Variants in MCMBP observed in about 807,000 individuals in gnomAD.
MCMBP encodes the protein minichromosome maintenance complex binding protein.
In MCMBP, 31 loss-of-function variants were observed where a neutral mutation model predicts 81.3. The ratio of observed to expected loss-of-function variants is 0.38; its 90% CI spans 0.29 to 0.51. The LOEUF is 0.51. Ranked by LOEUF, MCMBP falls within the 20% of genes least tolerant of loss-of-function variation. The pLI, the probability that MCMBP is intolerant of heterozygous loss-of-function variation, is 0.87. For synonymous variants in MCMBP, 267 were observed against 275.9 expected (o/e 0.97, Z 0.32); for missense variants, 645 against 772.1 (o/e 0.84, Z 1.95).
chr10:119,848,181 ACCTTTCAAAAT>A lies in MCMBP; in HGVS notation c.727-479_727-469del, dbSNP rs1222521433. Among the ~76,000 whole-genome samples, 33 of 150,516 alleles carry A rather than the reference ACCTTTCAAAAT, an allele frequency of 2.2e-4. No individual in the cohort carries two copies. The East Asian group carries it at 6.5e-3, about 30-fold the overall frequency. ...TTTCACAATTTAAAAAAAAAAAAAA[ACCTTTCAAAAT>A]TGTCTGTCATGATGGACTTAGTAAT... On this transcript the variant is annotated intron_variant, in intron 7 of 15. Transcript: ENST00000369077.
At chr10:119,852,835 C>T (rs949971068) in intron 6 of MCMBP, among the ~76,000 whole-genome samples, 5 of 152,244 alleles carry the variant, frequency 3.3e-5, no homozygotes, top group Admixed American at 6.5e-5. Context: ...ACTCCAAACA[C>T]ATACATCAGA....
chr10:119,830,110 TG>T lies in MCMBP; in HGVS notation c.*1363del, dbSNP rs1170735917. 6.6e-6 allele frequency: 1 copy of T among 152,664 alleles called. No homozygotes were observed. The allele number at this position is 152,664 out of a possible 1,614,324, so 9.5% of individuals were successfully genotyped here. A position where few individuals can be genotyped will look rare whatever the true frequency, so the allele number is the denominator to read the frequency against. ...AAATAGATTTGAGTTTAGGAAAAGT[TG>T]AACAACTAGTTATTTTTACTTCAGT... On this transcript the variant is annotated 3_prime_UTR_variant, in exon 16 of 16. Coordinates refer to ENST00000369077, the MANE Select transcript of MCMBP (RefSeq NM_001256378.2).
chr10:119,870,123 C>T (rs1402499018), intron 1 of MCMBP, among the ~76,000 whole-genome samples: 1 of 152,150 alleles, frequency 6.6e-6, no homozygotes, highest in Admixed American at 6.5e-5. Flanking sequence ...TAAGTTTATA[C>T]AATACTATAT....
chr10:119,859,699 T>G (rs938201133), intron 2 of MCMBP, 100 bp downstream of exon 2: 1 of 719,148 alleles, frequency 1.4e-6, no homozygotes, highest in Non-Finnish European at 2.2e-6. Flanking sequence ...GTACATTAAT[T>G]TACATATTTT....
At chr10:119,842,074 G>A (rs1409082201) in intron 10 of MCMBP, among the ~76,000 whole-genome samples, 4 of 152,086 alleles carry the variant, frequency 2.6e-5, no homozygotes, top group Non-Finnish European at 4.4e-5. Flanking sequence ...ACAGGAGCGC[G>A]AACCCTATTG....
chr10:119,849,804 T>C (rs1452705019), intron 6 of MCMBP, among the ~76,000 whole-genome samples: 2 of 152,216 alleles, frequency 1.3e-5, no homozygotes, highest in Non-Finnish European at 2.9e-5. Flanking sequence ...TTTTTTCCCT[T>C]ACTGTAAGAT....
chr10:119,872,450 C>G (rs1853720929), intron 1 of MCMBP, 77 bp downstream of exon 1: 1 of 910,060 alleles, frequency 1.1e-6, no homozygotes, highest in African/African-American at 1.8e-5. Flanking sequence ...CGCGTGGGGG[C>G]CGCGCGGCGG....
At chr10:119,832,428 C>CT (rs58840214) in intron 14 of MCMBP, among the ~76,000 whole-genome samples, 2 of 152,154 alleles carry the variant, frequency 1.3e-5, no homozygotes, top group Non-Finnish European at 2.9e-5. Context: ...TCAAAATCAG[C>CT]TTTTTAAAAA....
intron 11 of MCMBP, among the ~76,000 whole-genome samples, chr10:119,839,330 A>G (rs1824831076): frequency 6.6e-6 from 1 of 152,122 alleles, no homozygotes; most frequent in South Asian, 2.1e-4. Flanking sequence ...GCTCTGCCTT[A>G]TACACCAATC....
chr10:119,866,038 T>C (rs1454504523), intron 1 of MCMBP, among the ~76,000 whole-genome samples: 6 of 149,868 alleles, frequency 4.0e-5, no homozygotes, highest in African/African-American at 1.5e-4. Context: ...CGGTGAACCA[T>C]GATCTTGCCA....
At chr10:119,831,987 G>C (rs778650553) in intron 15 of MCMBP, 25 bp downstream of exon 15, 3 of 1,590,672 alleles carry the variant, frequency 1.9e-6, no homozygotes, top group East Asian at 4.5e-5. Context: ...TACCGAAACA[G>C]CAATAATGGA....
intron 14 of MCMBP, 73 bp from the exon 15 acceptor site, chr10:119,832,173 G>T: frequency 7.4e-7 from 1 of 1,352,596 alleles, no homozygotes; most frequent in Non-Finnish European, 1.0e-6. Context: ...TTCCTTGACT[G>T]ATGTAGTAAG....
intron 8 of MCMBP, among the ~76,000 whole-genome samples, chr10:119,844,402 T>C (rs540225702): frequency 1.3e-5 from 2 of 152,338 alleles, no homozygotes; most frequent in Non-Finnish European, 2.9e-5. Context: ...ACCTTTTCCA[T>C]AGTACGTACC....
At chr10:119,860,827 T>C (rs984839272) in intron 1 of MCMBP, among the ~76,000 whole-genome samples, 1 of 152,236 alleles carries the variant, frequency 6.6e-6, no homozygotes, top group Non-Finnish European at 1.5e-5. Context: ...AACAATGTTG[T>C]CAAACTACTG....
At chr10:119,872,208 C>G (rs1000161336) in intron 1 of MCMBP, among the ~76,000 whole-genome samples, 7 of 152,124 alleles carry the variant, frequency 4.6e-5, no homozygotes, top group African/African-American at 1.7e-4. Context: ...GGGCCGGGGC[C>G]CTGGCCCTGC....
intron 9 of MCMBP, 172 bp from the exon 10 acceptor site, chr10:119,842,767 CTTT>C (rs71019726): frequency 2.3e-3 from 1,121 of 485,338 alleles, no homozygotes; most frequent in South Asian, 2.8e-3. Context: ...TTGCATCCTC[CTTT>C]TTTTTTTTTT....
intron 1 of MCMBP, 130 bp from the exon 2 acceptor site, chr10:119,860,014 T>G: frequency 2.2e-5 from 12 of 555,660 alleles, no homozygotes; most frequent in African/African-American, 1.9e-5. Flanking sequence ...ATAGAATGAA[T>G]TTTTAGATAG....
chr10:119,851,373 T>A (rs1402567301), intron 6 of MCMBP, among the ~76,000 whole-genome samples: 1 of 152,190 alleles, frequency 6.6e-6, no homozygotes, highest in African/African-American at 2.4e-5. Context: ...GCTTAAGTGA[T>A]AAGAGAATTA....
chr10:119,862,943 T>A (rs1021606019), intron 1 of MCMBP, among the ~76,000 whole-genome samples: 2 of 152,264 alleles, frequency 1.3e-5, no homozygotes, highest in African/African-American at 4.8e-5. Flanking sequence ...GCCATCCTTG[T>A]ATCCTATCTG....
Sources: gnomAD v4.1 joint callset for allele counts (sites outside exome capture counted in the v4.1 genomes callset) on GRCh38, gnomAD v4.1.1 for gene constraint, MANE v1.5 for transcripts, NCBI Gene and HGNC (gene_info 2026-07-23, HGNC 2026-07-21) for gene names.